The following SLC17A4 variants were observed in gnomAD, a reference collection of about 807,000 sequenced individuals.
SLC17A4 encodes solute carrier family 17 member 4, also known as probable small intestine urate exporter.
In SLC17A4, 33 loss-of-function variants were observed where a neutral mutation model predicts 52.5. That is an observed-to-expected ratio of 0.63 (90% CI 0.48 to 0.84). The LOEUF is 0.84. Among genes scored for constraint, SLC17A4 ranks in the 40% least tolerant of loss-of-function variants. SLC17A4 has a pLI of 0.00. For synonymous variants in SLC17A4, 225 were observed against 216.2 expected (o/e 1.04, Z -0.36); for missense variants, 585 against 597.1 (o/e 0.98, Z 0.21).
chr6:25,779,448 G>A lies in SLC17A4; in HGVS notation c.*260G>A. 1 of 356,802 alleles carries A rather than the reference G, an allele frequency of 2.8e-6. No individual in the cohort carries two copies. Among genetic ancestry groups the A allele is most frequent in the South Asian group, 6.3e-5 (1 of 15,958 alleles). The allele number at this position is 356,802 out of a possible 1,614,324, so 22.1% of individuals were successfully genotyped here. A position where few individuals can be genotyped will look rare whatever the true frequency, so the allele number is the denominator to read the frequency against. ...CTGTTATCCTAGTAAAAGCATCAGG[G>A]GCTGGGGACAATTTCTTTCCAAAGC... On this transcript the variant is annotated 3_prime_UTR_variant, in exon 12 of 12. Transcript: ENST00000377905.
In SLC17A4 at chr6:25,770,286, C is replaced by T. The variant is rs970712794; in HGVS notation, c.517C>T (p.Gln173Ter). The T allele has an allele frequency of 6.2e-7, 1 of 1,614,082 alleles. No homozygotes were observed. Among genetic ancestry groups the T allele is most frequent in the South Asian group, 1.1e-5 (1 of 91,080 alleles). The change falls in exon 4 of 12, where the codon CAA becomes TAA. Residue 173 changes from glutamine to a stop codon, truncating the protein, a stop_gained. Coordinates refer to ENST00000377905, the MANE Select transcript of SLC17A4 (RefSeq NM_005495.3). LOFTEE classifies it high-confidence loss of function. ...CTTGCTCATTGTCCTCCGGATTGTA[C>T]AAGGCATAGCCCAGGTACCAAGATG... The part of the protein sequence containing the change: ...VALLIVLRIV[Q>*]GIAQVMVLTG...
intron 1 of SLC17A4, among the ~76,000 whole-genome samples, chr6:25,756,714 T>C (rs1031316892): frequency 3.9e-5 from 6 of 152,210 alleles, no homozygotes; most frequent in Admixed American, 6.5e-5. Context: ...GGCAATTTAA[T>C]GAGAACTAAG....
chr6:25,756,152 C>T (rs1173614812), intron 1 of SLC17A4, among the ~76,000 whole-genome samples: 1 of 152,020 alleles, frequency 6.6e-6, no homozygotes, highest in African/African-American at 2.4e-5. Flanking sequence ...CCTATAGGAC[C>T]CAAAATGGTC....
In SLC17A4 at chr6:25,771,083, C is replaced by T. The variant is rs1762443051; in HGVS notation, c.706+71C>T. ...GTGATGCAATTTATCTATGGTTAAC[C>T]AAATCCTAATAGATATGGATATTTA... On this transcript the variant is annotated intron_variant, in intron 6 of 11. Transcript: ENST00000377905. 1.7e-5 allele frequency: 21 copies of T among 1,235,470 alleles called. No homozygotes were observed. In the South Asian group the frequency reaches 2.4e-4, roughly 14 times the overall value. The allele number at this position is 1,235,470 out of a possible 1,614,324, so 76.5% of individuals were successfully genotyped here.
chr6:25,771,293 G>T (rs1252728647), intron 6 of SLC17A4, among the ~76,000 whole-genome samples: 2 of 152,154 alleles, frequency 1.3e-5, no homozygotes, highest in Non-Finnish European at 2.9e-5. Context: ...ACTATCTTAG[G>T]CTAGGCGTGG....
intron 2 of SLC17A4, among the ~76,000 whole-genome samples, chr6:25,767,474 A>G (rs946239262): frequency 6.6e-6 from 1 of 152,200 alleles, no homozygotes; most frequent in African/African-American, 2.4e-5. Flanking sequence ...GGGGCCACAG[A>G]GAGCTCAGTA....
chr6:25,773,236 T>C, intron 6 of SLC17A4, 39 bp from the exon 7 acceptor site: 1 of 1,504,496 alleles, frequency 6.6e-7, no homozygotes, highest in Non-Finnish European at 9.3e-7. Flanking sequence ...AAAGAAGTAC[T>C]TCAATCCATC....
rs966715806 is a variant in SLC17A4, at chr6:25,773,371, T to C, written c.803T>C (p.Ile268Thr). Residue 268 changes from isoleucine to threonine, a missense_variant, in exon 7 of 12, where the codon ATT becomes ACT. By Grantham distance (89) the Ile-to-Thr change is moderately conservative (BLOSUM62 -1). Coordinates refer to ENST00000377905, the MANE Select transcript of SLC17A4 (RefSeq NM_005495.3). ...PFISAGEKRY[I>T]VCSLAQQDCS... is the part of the protein sequence containing the mutation. ...ATCAGTGCTGGTGAGAAGAGATACA[T>C]TGTGTGTTCATTGGCTCAGCAGGTA... 7 of 1,613,718 alleles carry C rather than the reference T, an allele frequency of 4.3e-6. No homozygotes were observed. The highest frequency in any genetic ancestry group is 5.9e-6 in the Non-Finnish European group (7 of 1,179,834).
chr6:25,766,515 G>T (rs774666347), intron 2 of SLC17A4, among the ~76,000 whole-genome samples: 1 of 151,974 alleles, frequency 6.6e-6, no homozygotes, highest in Non-Finnish European at 1.5e-5. Flanking sequence ...ATTAAAAGGA[G>T]AAAAAGAAAA....
At chr6:25,768,875 C>T (rs751057018) in intron 2 of SLC17A4, 110 bp from the exon 3 acceptor site, 1 of 994,668 alleles carries the variant, frequency 1.0e-6, no homozygotes, top group Non-Finnish European at 1.5e-6. Context: ...TGTCTGCTCT[C>T]CCTATATTTC....
At chr6:25,763,917 T>C (rs1410875597) in intron 2 of SLC17A4, among the ~76,000 whole-genome samples, 2 of 152,186 alleles carry the variant, frequency 1.3e-5, no homozygotes, top group Admixed American at 1.3e-4. Flanking sequence ...AATCTAGGTA[T>C]TTCTGAGAAG....
chr6:25,775,774 A>G (rs1762858315), intron 8 of SLC17A4, among the ~76,000 whole-genome samples: 1 of 152,194 alleles, frequency 6.6e-6, no homozygotes, highest in Admixed American at 6.5e-5. Context: ...TGAGAATGCA[A>G]GCATACATGA....
chr6:25,770,178 G>C lies in SLC17A4; in HGVS notation c.409G>C (p.Ala137Pro). 1 of 1,614,110 alleles carries C rather than the reference G, an allele frequency of 6.2e-7. No individual in the cohort carries two copies. The highest frequency in any genetic ancestry group is 8.5e-7 in the Non-Finnish European group (1 of 1,179,990). The change falls in exon 4 of 12, where the codon GCC becomes CCC. Residue 137 changes from alanine (A) to proline (P), a missense_variant. Ala to Pro is a conservative substitution (Grantham distance 27, BLOSUM62 -1). Coordinates refer to ENST00000377905, the MANE Select transcript of SLC17A4 (RefSeq NM_005495.3). ...TGGCTATGTGGCTGGAATATTTGGA[G>C]CCAAGTATGTGGTTGGTGCTGGCTT... ...PSGYVAGIFG[A>P]KYVVGAGLFI...
chr6:25,763,075 G>A (rs1761685934), intron 2 of SLC17A4, among the ~76,000 whole-genome samples: 1 of 152,144 alleles, frequency 6.6e-6, no homozygotes, highest in African/African-American at 2.4e-5. Flanking sequence ...CTCACATAGT[G>A]TCCCTTCCTC....
chr6:25,768,920 C>G, intron 2 of SLC17A4, 65 bp from the exon 3 acceptor site: 3 of 1,431,866 alleles, frequency 2.1e-6, no homozygotes, highest in Non-Finnish European at 2.9e-6. Context: ...TCTCCTTCTT[C>G]CAGACTTAGG....
intron 3 of SLC17A4, 78 bp downstream of exon 3, chr6:25,769,268 T>G: frequency 7.6e-7 from 1 of 1,307,982 alleles, no homozygotes; most frequent in Non-Finnish European, 1.1e-6. Flanking sequence ...GTGAGATTCA[T>G]TTAACCACTA....
In SLC17A4 at chr6:25,780,380, C is replaced by T. The variant is rs187154356; in HGVS notation, c.*1192C>T. 2.6e-5 allele frequency: 4 copies of T among 152,196 alleles called. No individual in the cohort carries two copies. The East Asian group carries it at 7.7e-4, about 29-fold the overall frequency. The allele number at this position is 152,196 out of a possible 1,614,324, so 9.4% of individuals were successfully genotyped here. On this transcript the variant is annotated 3_prime_UTR_variant, in exon 12 of 12. Coordinates refer to ENST00000377905, the MANE Select transcript of SLC17A4 (RefSeq NM_005495.3). ...GGGTTATGAGAGTGGATGATAAGTG[C>T]ACTAATCTGAGTGTAAGGAAGGGCC...
In SLC17A4 at chr6:25,776,537, C is replaced by T. The variant is rs1443334195; in HGVS notation, c.988-58C>T. ...ATGTGGACAGTCTGTCCAAGGTTGTCTGTGTCGTGGTGGGGGTGGTAAGGG... is the reference window on the plus strand; with the variant it reads ...ATGTGGACAGTCTGTCCAAGGTTGTTTGTGTCGTGGTGGGGGTGGTAAGGG... On this transcript the variant is annotated intron_variant, in intron 8 of 11. Coordinates refer to ENST00000377905, the MANE Select transcript of SLC17A4 (RefSeq NM_005495.3). 5 of 1,538,638 alleles carry T rather than the reference C, an allele frequency of 3.2e-6. No individual in the cohort carries two copies. The Admixed American group carries it at 1.0e-4, about 31-fold the overall frequency.
chr6:25,763,164 T>G (rs1761696108), intron 2 of SLC17A4, among the ~76,000 whole-genome samples: 1 of 152,182 alleles, frequency 6.6e-6, no homozygotes, highest in African/African-American at 2.4e-5. Flanking sequence ...TCTGGTTCCT[T>G]CTATAGTCTC....
Sources: gnomAD v4.1 joint callset for allele counts (sites outside exome capture counted in the v4.1 genomes callset) on GRCh38, gnomAD v4.1.1 for gene constraint, MANE v1.5 for transcripts, NCBI Gene and HGNC (gene_info 2026-07-23, HGNC 2026-07-21) for gene names.